Variants in TMC5 observed in about 807,000 individuals in gnomAD.
The protein encoded by TMC5 is transmembrane channel like 5.
A neutral mutation model predicts 110.5 loss-of-function variants in TMC5; 86 were observed. The observed-to-expected ratio is 0.78, with a 90% CI of 0.65 to 0.93. The LOEUF is 0.93. Ranked by LOEUF, TMC5 falls within the 40% of genes least tolerant of loss-of-function variation. The pLI is 0.00. For missense variants in TMC5, 1,144 were observed against 1,222.8 expected (o/e 0.94, Z 0.96); for synonymous variants, 455 against 439.5 (o/e 1.04, Z -0.44).
intron 5 of TMC5, among the ~76,000 whole-genome samples, chr16:19,453,874 T>TATTCATTCATAAATGA (rs1413167412): frequency 1.3e-5 from 2 of 152,210 alleles, no homozygotes; most frequent in Non-Finnish European, 2.9e-5. Flanking sequence ...TGCGTGCTTA[T>TATTCATTCATAAATGA]ATTCATTCAT....
At chr16:19,496,750 C>T (rs943965631) in intron 20 of TMC5, among the ~76,000 whole-genome samples, 3 of 151,572 alleles carry the variant, frequency 2.0e-5, no homozygotes, top group East Asian at 1.9e-4. Context: ...ATTAGCTGGG[C>T]GTGGTGGCAG....
chr16:19,413,863 C>G (rs954958467), upstream of TMC5, among the ~76,000 whole-genome samples: 1 of 152,190 alleles, frequency 6.6e-6, no homozygotes, highest in Non-Finnish European at 1.5e-5. Flanking sequence ...GGCCAAGTTA[C>G]TTAACCTCTC....
intron 17 of TMC5, 48 bp downstream of exon 17, chr16:19,487,374 G>T: frequency 6.3e-7 from 1 of 1,580,832 alleles, no homozygotes; most frequent in East Asian, 2.2e-5. Context: ...GGGTGGATGG[G>T]TGTGTGTTTT....
chr16:19,454,088 C>T lies in TMC5; in HGVS notation c.1048+4457C>T, dbSNP rs576127210. 7.2e-5 allele frequency among the ~76,000 whole-genome samples: 11 copies of T among 152,064 alleles called. No individual in the cohort carries two copies. In the South Asian group the frequency reaches 1.2e-3, roughly 17 times the overall value. ...TTTGAGGCAGAGTTTCACTCTGTCC[C>T]CCAGGCTGGAGTGGAGTGGAGTGAC... On this transcript the variant is annotated intron_variant, in intron 5 of 21. Transcript: ENST00000542583.
intron 1 of TMC5, among the ~76,000 whole-genome samples, chr16:19,423,553 G>T (rs1967029093): frequency 1.3e-5 from 2 of 152,094 alleles, no homozygotes; most frequent in African/African-American, 4.8e-5. Flanking sequence ...ACATATTGTG[G>T]TTTATAAGCT....
At chr16:19,460,166 G>A in intron 5 of TMC5, 69 bp from the exon 6 acceptor site, 1 of 1,233,350 alleles carries the variant, frequency 8.1e-7, no homozygotes, top group Non-Finnish European at 1.2e-6. Context: ...TCTGACTTCA[G>A]CACCACATTT....
chr16:19,473,381 A>AAAAAAAC, intron 11 of TMC5, among the ~76,000 whole-genome samples: 1 of 143,122 alleles, frequency 7.0e-6, no homozygotes, highest in African/African-American at 2.6e-5. Flanking sequence ...AAAAAAAAAA[A>AAAAAAAC]CCAGCAGCAC....
At chr16:19,441,291 GTT>G (rs57096574) in intron 3 of TMC5, among the ~76,000 whole-genome samples, 5 of 136,874 alleles carry the variant, frequency 3.7e-5, no homozygotes, top group Non-Finnish European at 8.0e-5. Flanking sequence ...CCACTTCTTT[GTT>G]TTTTTTTTTG....
intron 2 of TMC5, among the ~76,000 whole-genome samples, chr16:19,438,421 GAA>G (rs1967400581): frequency 3.0e-5 from 1 of 33,046 alleles, no homozygotes; most frequent in Non-Finnish European, 6.0e-5. Context: ...AGAAAGAAAA[GAA>G]AAAGAAAGAA....
intron 18 of TMC5, 47 bp from the exon 19 acceptor site, chr16:19,492,103 T>G (rs759347622): frequency 1.3e-5 from 19 of 1,479,806 alleles, no homozygotes; most frequent in Non-Finnish European, 1.8e-5. Flanking sequence ...ATTCAGAGCC[T>G]GCAAAACATT....
intron 1 of TMC5, among the ~76,000 whole-genome samples, chr16:19,421,931 T>TA (rs1248903078): frequency 1.3e-5 from 2 of 150,326 alleles, no homozygotes; most frequent in South Asian, 2.1e-4. Flanking sequence ...CTCCATCTCT[T>TA]AAAAAAGAGA....
chr16:19,485,706 A>G (rs927952344), intron 15 of TMC5, among the ~76,000 whole-genome samples: 1 of 152,244 alleles, frequency 6.6e-6, no homozygotes, highest in African/African-American at 2.4e-5. Flanking sequence ...TCCCATTCCA[A>G]AAAGTCATTA....
chr16:19,431,254 G>A (rs991638353), intron 2 of TMC5, among the ~76,000 whole-genome samples: 8 of 152,030 alleles, frequency 5.3e-5, no homozygotes, highest in African/African-American at 1.4e-4. Flanking sequence ...AAGATAAAAC[G>A]TGGGGGCCGG....
At chr16:19,417,565 T>C (rs1173128864), upstream of TMC5, 1 of 151,156 alleles carries the variant, frequency 6.6e-6, no homozygotes, top group African/African-American at 2.4e-5. Context: ...ACAAAACGAA[T>C]CTATTTACTT....
At chr16:19,486,854 ATCT>A (rs2143730283) in intron 15 of TMC5, 88 bp from the exon 16 acceptor site, 1 of 1,141,352 alleles carries the variant, frequency 8.8e-7, no homozygotes, top group African/African-American at 1.5e-5. Context: ...AGGCCACAAT[ATCT>A]TCTTTCTCTT....
At chr16:19,470,935 C>T (rs921540263) in intron 10 of TMC5, among the ~76,000 whole-genome samples, 28 of 151,956 alleles carry the variant, frequency 1.8e-4, no homozygotes, top group African/African-American at 6.8e-4. Context: ...ACTCAGGAGG[C>T]TGAGGCTGGA....
chr16:19,472,383 T>C, intron 11 of TMC5, 140 bp downstream of exon 11: 1 of 968,634 alleles, frequency 1.0e-6, no homozygotes, highest in Non-Finnish European at 1.5e-6. Context: ...TTGTTAAAAA[T>C]GCAGGGGTGA....
chr16:19,476,397 A>C (rs1968490158), intron 12 of TMC5, among the ~76,000 whole-genome samples: 1 of 152,104 alleles, frequency 6.6e-6, no homozygotes, highest in Admixed American at 6.6e-5. Context: ...GAAAACTCTG[A>C]CTATATTCCT....
intron 1 of TMC5, among the ~76,000 whole-genome samples, chr16:19,428,124 G>T (rs1967123759): frequency 6.6e-6 from 1 of 152,142 alleles, no homozygotes; most frequent in African/African-American, 2.4e-5. Flanking sequence ...AAGGATCGTG[G>T]TAAAAGAGGA....
Sources: gnomAD v4.1 joint callset for allele counts (sites outside exome capture counted in the v4.1 genomes callset) on GRCh38, gnomAD v4.1.1 for gene constraint, MANE v1.5 for transcripts, NCBI Gene and HGNC (gene_info 2026-07-23, HGNC 2026-07-21) for gene names.